Variants in TRAP1 observed in about 807,000 individuals in gnomAD.
TRAP1 encodes heat shock protein 75 kDa, mitochondrial.
TRAP1 carries 102 observed loss-of-function variants against 89.1 expected under a neutral mutation model. The observed-to-expected ratio is 1.15, with a 90% CI of 0.98 to 1.35. The LOEUF is 1.35. TRAP1 is among the 40% of genes most tolerant of loss of function. The pLI is 0.00. For synonymous variants in TRAP1, 508 were observed against 388.0 expected (o/e 1.31, Z -3.64); for missense variants, 1,256 against 945.3 (o/e 1.33, Z -4.31).
intron 11 of TRAP1, among the ~76,000 whole-genome samples, chr16:3,670,783 G>T (rs1339594836): frequency 2.6e-5 from 4 of 152,168 alleles, no homozygotes; most frequent in Non-Finnish European, 4.4e-5. Flanking sequence ...TGAAGGTGAG[G>T]CAGGAGGATA....
intron 1 of TRAP1, among the ~76,000 whole-genome samples, chr16:3,702,143 C>G (rs1299383136): frequency 3.3e-5 from 5 of 149,486 alleles, no homozygotes; most frequent in Non-Finnish European, 5.9e-5. Flanking sequence ...AAATATGAGG[C>G]TGTCACAAAA....
chr16:3,696,867 C>T (rs2051294485), intron 1 of TRAP1, among the ~76,000 whole-genome samples: 1 of 152,068 alleles, frequency 6.6e-6, no homozygotes, highest in Non-Finnish European at 1.5e-5. Flanking sequence ...GCTGAGACTA[C>T]AGGCTCATGC....
rs370910118 is a variant in TRAP1, at chr16:3,686,065, G to A, written c.402C>T (p.Asp134=). The stretch of plus-strand genomic sequence containing the variant: ...TCTCCATTTCTGGCAGTGCTTGGCC[G>A]TCAGACACCAGTTTGTGACGCAGTT... ...LEKLRHKLVS[D]GQALPEMEIH... is the part of the protein sequence containing the mutation. Residue 134 remains aspartate, a synonymous_variant, in exon 4 of 18, where the codon GAC becomes GAT. Coordinates refer to ENST00000246957, the MANE Select transcript of TRAP1 (RefSeq NM_016292.3). 329 of 1,613,946 alleles carry A rather than the reference G, an allele frequency of 2.0e-4. No individual in the cohort carries two copies. Among genetic ancestry groups the A allele is most frequent in the Non-Finnish European group, 1.8e-4 (207 of 1,180,012 alleles).
chr16:3,698,548 C>A (rs541291555), intron 1 of TRAP1, among the ~76,000 whole-genome samples: 1 of 151,684 alleles, frequency 6.6e-6, no homozygotes, highest in South Asian at 2.1e-4. Flanking sequence ...GTGATCTGCC[C>A]GCCTCAGCCT....
chr16:3,661,134 A>G (rs541929358), intron 16 of TRAP1: 7 of 152,220 alleles, frequency 4.6e-5, no homozygotes, highest in Admixed American at 2.0e-4. Context: ...AAAATACCCC[A>G]TAAGACACAT....
chr16:3,714,398 C>T (rs1017524758), intron 1 of TRAP1, among the ~76,000 whole-genome samples: 1 of 152,216 alleles, frequency 6.6e-6, no homozygotes, highest in Non-Finnish European at 1.5e-5. Flanking sequence ...CAGTGGCTCA[C>T]GCCTGTAATC....
At chr16:3,659,527 A>ATAT (rs545352634) in intron 16 of TRAP1, 1 of 152,226 alleles carries the variant, frequency 6.6e-6, no homozygotes, top group Admixed American at 6.5e-5. Flanking sequence ...CGTCAGAACA[A>ATAT]TATTTTTTTC....
At chr16:3,694,077 G>T (rs1369491782) in intron 1 of TRAP1, among the ~76,000 whole-genome samples, 3 of 150,894 alleles carry the variant, frequency 2.0e-5, no homozygotes, top group Non-Finnish European at 4.4e-5. Context: ...AGTCCATCCC[G>T]CACCTCTCCC....
Position 3,662,064 on chromosome 16 carries a change from G to A in TRAP1, c.1863C>T (p.Phe621=). The part of the protein sequence containing the change: ...TVLEMGAARH[F]LRMQQLAKTQ... ...TCTTGGCCAGCTGCTGCATGCGCAGGAAGTGGCGGGCAGCCCCCATCTCCA... is the reference window on the plus strand; with the variant it reads ...TCTTGGCCAGCTGCTGCATGCGCAGAAAGTGGCGGGCAGCCCCCATCTCCA... Residue 621 remains phenylalanine (F), a synonymous_variant, in exon 16 of 18, where the codon TTC becomes TTT. Coordinates refer to ENST00000246957, the MANE Select transcript of TRAP1 (RefSeq NM_016292.3). 3 of 1,613,368 alleles carry A rather than the reference G, an allele frequency of 1.9e-6. No individual in the cohort carries two copies. Among genetic ancestry groups the A allele is most frequent in the Non-Finnish European group, 2.5e-6 (3 of 1,179,954 alleles).
At position 3,703,043 on chromosome 16, in the gene TRAP1, G is replaced by GGAAA. The variant is rs564433883; in HGVS notation, c.89-12059_89-12058insTTTC. ...GAGAACAAGAGTGAAACTCCGTCTT[G>GGAAA]AAAAAAAAAAAAAAAAAAAAAAAGC... On this transcript the variant is annotated intron_variant, in intron 1 of 17. Coordinates refer to ENST00000246957, the MANE Select transcript of TRAP1 (RefSeq NM_016292.3). 3.4e-4 allele frequency among the ~76,000 whole-genome samples: 15 copies of GGAAA among 43,508 alleles called. 1 individual carries two copies. Among genetic ancestry groups the GGAAA allele is most frequent in the South Asian group, 1.7e-3 (2 of 1,144 alleles). The allele number at this position is 43,508 out of a possible 152,430, so 28.5% of individuals were successfully genotyped here.
chr16:3,704,760 C>T (rs2051417123), intron 1 of TRAP1, among the ~76,000 whole-genome samples: 1 of 151,956 alleles, frequency 6.6e-6, no homozygotes, highest in South Asian at 2.1e-4. Context: ...ATGTTTGTAA[C>T]CCCAGTGCTT....
chr16:3,707,762 G>C (rs917254191), intron 1 of TRAP1, among the ~76,000 whole-genome samples: 1 of 151,356 alleles, frequency 6.6e-6, no homozygotes, highest in African/African-American at 2.4e-5. Context: ...GCTGAGGCAG[G>C]AGACTTGCTT....
intron 11 of TRAP1, among the ~76,000 whole-genome samples, chr16:3,668,408 G>T (rs1210578569): frequency 2.0e-5 from 3 of 152,178 alleles, no homozygotes; most frequent in Non-Finnish European, 2.9e-5. Flanking sequence ...AGAGTTTCAT[G>T]AAGAATGTGA....
chr16:3,677,916 A>G, intron 5 of TRAP1: 1 of 442,772 alleles, frequency 2.3e-6, no homozygotes, highest in Non-Finnish European at 4.1e-6. Context: ...TGCCTGTCCC[A>G]GACAGGTGGA....
intron 1 of TRAP1, among the ~76,000 whole-genome samples, chr16:3,710,624 A>G (rs2051515615): frequency 6.6e-6 from 1 of 152,186 alleles, no homozygotes; most frequent in Non-Finnish European, 1.5e-5. Flanking sequence ...AATTCGCTTG[A>G]ACATTCCATT....
At chr16:3,682,013 A>G (rs941555573) in intron 4 of TRAP1, among the ~76,000 whole-genome samples, 3 of 152,234 alleles carry the variant, frequency 2.0e-5, no homozygotes, top group Non-Finnish European at 2.9e-5. Flanking sequence ...GGATCGACAC[A>G]TGGATGAAAG....
chr16:3,668,174 G>A (rs1596704294), intron 11 of TRAP1, among the ~76,000 whole-genome samples: 1 of 151,642 alleles, frequency 6.6e-6, no homozygotes, highest in Admixed American at 6.6e-5. Context: ...CACCCGCCTC[G>A]GCCTCCCAAA....
chr16:3,661,889 C>T lies in TRAP1; in HGVS notation c.1940+98G>A, dbSNP rs141149147. On this transcript the variant is annotated intron_variant, in intron 16 of 17. Transcript: ENST00000246957. ...GTTACCCACATGTCCACAGGCCTCA[C>T]GCACTTTTCTTCTGTGTCACATTCC... The T allele has an allele frequency of 3.0e-5, 43 of 1,426,810 alleles. No individual in the cohort carries two copies. In the Middle Eastern group the frequency reaches 7.3e-4, roughly 24 times the overall value. The allele number at this position is 1,426,810 out of a possible 1,614,324, so 88.4% of individuals were successfully genotyped here.
At chr16:3,666,449 C>T (rs916214450) in intron 11 of TRAP1, among the ~76,000 whole-genome samples, 2 of 151,898 alleles carry the variant, frequency 1.3e-5, no homozygotes, top group African/African-American at 2.4e-5. Context: ...AACATGTGAG[C>T]ACACCAAGAT....
Sources: gnomAD v4.1 joint callset for allele counts (sites outside exome capture counted in the v4.1 genomes callset) on GRCh38, gnomAD v4.1.1 for gene constraint, MANE v1.5 for transcripts, NCBI Gene and HGNC (gene_info 2026-07-23, HGNC 2026-07-21) for gene names.